Variants in GLRA2 observed in about 807,000 individuals in gnomAD.
The protein encoded by GLRA2 is glycine receptor alpha 2, also known as glycine receptor subunit alpha-2.
A neutral mutation model predicts 31.6 loss-of-function variants in GLRA2; 11 were observed. The ratio of observed to expected loss-of-function variants is 0.35; its 90% CI spans 0.22 to 0.58. The LOEUF is 0.58. GLRA2 is among the 20% of genes least tolerant of loss of function. GLRA2 has a pLI of 0.84. For synonymous variants in GLRA2, 132 were observed against 134.0 expected, an observed-to-expected ratio of 0.99 and a Z score of 0.10; for missense variants, 212 against 351.8, an observed-to-expected ratio of 0.60 and a Z score of 3.18.
At chrX:14,597,805 G>A (rs1377695713) in intron 4 of GLRA2, among the ~76,000 whole-genome samples, 3 of 111,525 alleles carry the variant, frequency 2.7e-5, no homozygotes, top group Non-Finnish European at 3.8e-5. Context: ...ATCTAACTTC[G>A]GTTGCTTAGT....
At chrX:14,678,124 C>G (rs760864435) in intron 7 of GLRA2, among the ~76,000 whole-genome samples, 2 of 111,602 alleles carry the variant, frequency 1.8e-5, no homozygotes, top group South Asian at 3.8e-4. Flanking sequence ...CTGGTGTAGA[C>G]AAAGTCATCA....
chrX:14,652,387 A>G (rs912324233), intron 7 of GLRA2, among the ~76,000 whole-genome samples: 26 of 111,132 alleles, frequency 2.3e-4, no homozygotes, highest in African/African-American at 8.2e-4. Context: ...TTCTCTCCAC[A>G]TATATAGGCG....
intron 8 of GLRA2, among the ~76,000 whole-genome samples, chrX:14,724,365 C>T (rs368247269): frequency 5.4e-5 from 6 of 110,323 alleles, no homozygotes; most frequent in African/African-American, 2.0e-4. Context: ...GTGGCTCACA[C>T]CTGTAATCCC....
intron 7 of GLRA2, among the ~76,000 whole-genome samples, chrX:14,663,506 T>C (rs1481186624): frequency 1.0e-5 from 1 of 98,347 alleles, no homozygotes; most frequent in African/African-American, 3.7e-5. Context: ...CCAAAATTAC[T>C]AGAAAAGATT....
At chrX:14,615,387 T>C (rs1364118786) in intron 7 of GLRA2, among the ~76,000 whole-genome samples, 5 of 112,025 alleles carry the variant, frequency 4.5e-5, no homozygotes, top group African/African-American at 1.6e-4. Flanking sequence ...GGGTCAAAGA[T>C]AAAACACAGC....
At chrX:14,727,470 A>G (rs1981463325) in intron 8 of GLRA2, among the ~76,000 whole-genome samples, 1 of 112,132 alleles carries the variant, frequency 8.9e-6, no homozygotes, top group South Asian at 3.7e-4. Flanking sequence ...GTTGAGATCT[A>G]ATTACCAATT....
At position 14,532,241 on chromosome X, in the gene GLRA2, C is replaced by T. The variant is rs144675165; in HGVS notation, c.71C>T (p.Thr24Met). Residue 24 changes from threonine to methionine, a missense_variant and splice_region_variant, in exon 2 of 9, where the codon ACG (threonine) becomes ATG (methionine). Physicochemically the swap from Thr to Met is moderately conservative, Grantham distance 81 (BLOSUM62 -1). Around this residue, in one of 5 missense-constraint regions of GLRA2, gnomAD observed 33 missense variants for 27.7 expected, o/e 1.19. Transcript: ENST00000218075. ...AAAAGAGTTAATGATGTGTTTAGGA[C>T]GGCTTTCTGCAAAGACCATGACTCC... ...AFFLETNHFR[T>M]AFCKDHDSRS... 8.4e-5 allele frequency: 98 copies of T among 1,166,403 alleles called. No individual in the cohort carries two copies. The highest frequency in any genetic ancestry group is 1.0e-4 in the Non-Finnish European group (88 of 869,119).
At chrX:14,510,223 C>T in the GLRA2 span, among the ~76,000 whole-genome samples, 1 of 111,756 alleles carries the variant, frequency 8.9e-6, no homozygotes, top group Non-Finnish European at 1.9e-5. Flanking sequence ...AAAACCATCA[C>T]TGAAAACTAG....
intron 7 of GLRA2, among the ~76,000 whole-genome samples, chrX:14,619,197 C>T (rs192744641): frequency 9.0e-6 from 1 of 110,807 alleles, no homozygotes; most frequent in East Asian, 2.9e-4. Flanking sequence ...TGGATAGTCT[C>T]CCTGATTCCA....
chrX:14,474,394 G>A, the GLRA2 span, among the ~76,000 whole-genome samples: 1 of 111,418 alleles, frequency 9.0e-6, no homozygotes, highest in Non-Finnish European at 1.9e-5. Context: ...TGGGCTTAGG[G>A]GGTTTGAGTA....
intron 1 of GLRA2, 59 bp from the exon 2 acceptor site, chrX:14,532,180 C>T (rs1319089384): frequency 2.0e-5 from 17 of 843,631 alleles, no homozygotes; most frequent in South Asian, 4.1e-5. Context: ...ATGCAGTGAG[C>T]GTTAGCTCTC....
intron 2 of GLRA2, among the ~76,000 whole-genome samples, chrX:14,563,477 T>G (rs1024463124): frequency 7.1e-5 from 8 of 112,350 alleles, no homozygotes; most frequent in African/African-American, 2.3e-4. Flanking sequence ...GTCAAAACAT[T>G]CAGCAAATTC....
the GLRA2 span, among the ~76,000 whole-genome samples, chrX:14,456,721 A>G: frequency 1.8e-5 from 2 of 112,339 alleles, no homozygotes; most frequent in Non-Finnish European, 3.8e-5. Context: ...ATATTCCATC[A>G]TGTGTATGTG....
the GLRA2 span, among the ~76,000 whole-genome samples, chrX:14,460,482 G>T: frequency 8.9e-6 from 1 of 111,808 alleles, no homozygotes; most frequent in Non-Finnish European, 1.9e-5. Context: ...GTAGAATTTG[G>T]CTGTGCATCC....
At chrX:14,635,999 C>T (rs2090706298) in intron 7 of GLRA2, among the ~76,000 whole-genome samples, 1 of 111,254 alleles carries the variant, frequency 9.0e-6, no homozygotes, top group African/African-American at 3.3e-5. Flanking sequence ...ACACAGGAGC[C>T]AACTGAATGA....
At position 14,546,791 on chromosome X, in the gene GLRA2, ATGAT is replaced by A. The variant is rs750026156; in HGVS notation, c.202+14423_202+14426del. Reference sequence around the variant, plus strand: ...GAGTGGATTGACATGTGAAGCTTTCATGATTGAGTTATTCCTTCATCATGGGGCC... The same window carrying A: ...GAGTGGATTGACATGTGAAGCTTTCATGAGTTATTCCTTCATCATGGGGCC... On this transcript the variant is annotated intron_variant, in intron 2 of 8. Transcript: ENST00000218075. Among the ~76,000 whole-genome samples, 12 of 111,576 alleles carry A rather than the reference ATGAT, an allele frequency of 1.1e-4. 1 individual carries two copies. In the East Asian group the frequency reaches 2.8e-3, roughly 26 times the overall value.
At chrX:14,450,105 G>C in the GLRA2 span, among the ~76,000 whole-genome samples, 1 of 111,843 alleles carries the variant, frequency 8.9e-6, no homozygotes. Context: ...GACCTAGTTG[G>C]GGGAGCGTGA....
At chrX:14,460,131 C>T in the GLRA2 span, among the ~76,000 whole-genome samples, 3 of 111,866 alleles carry the variant, frequency 2.7e-5, no homozygotes, top group South Asian at 1.1e-3. Context: ...TTGAGATAAT[C>T]ATGTGGTTTT....
intron 2 of GLRA2, among the ~76,000 whole-genome samples, chrX:14,567,246 A>T (rs990078024): frequency 8.9e-6 from 1 of 112,092 alleles, no homozygotes; most frequent in Non-Finnish European, 1.9e-5. Flanking sequence ...AGGATTACAC[A>T]TCATGACCAA....
Sources: gnomAD v4.1 joint callset for allele counts (sites outside exome capture counted in the v4.1 genomes callset) on GRCh38, gnomAD v4.1.1 for gene constraint, gnomAD v4.1.1 regional missense constraint, MANE v1.5 for transcripts, NCBI Gene and HGNC (gene_info 2026-07-23, HGNC 2026-07-21) for gene names.